Variants in MACROH2A1 observed in about 807,000 individuals in gnomAD.
The protein encoded by MACROH2A1 is macroH2A.1 histone, also known as core histone macro-H2A.1.
Under a neutral mutation model 31.6 loss-of-function variants are expected in MACROH2A1, and 2 were observed. The observed-to-expected ratio is 0.06, with a 90% CI of 0.03 to 0.20. MACROH2A1 has a LOEUF of 0.20. Ranked by LOEUF, MACROH2A1 falls within the 10% of genes least tolerant of loss-of-function variation. The pLI, the probability that MACROH2A1 is intolerant of heterozygous loss-of-function variation, is 1.00. For missense variants in MACROH2A1, 230 were observed against 474.0 expected (o/e 0.49, Z 4.78); for synonymous variants, 169 against 189.6 (o/e 0.89, Z 0.89).
chr5:135,344,252 G>A (rs946814368), intron 7 of MACROH2A1: 2 of 152,198 alleles, frequency 1.3e-5, no homozygotes, highest in African/African-American at 2.4e-5. Flanking sequence ...TGCAAAGAAG[G>A]TTTCCAGGGC....
chr5:135,343,243 C>A lies in MACROH2A1; in HGVS notation c.953+17G>T. ...AGACACACCCATGACCGATACGTAACAAGCATGTGCCCCTACCTGCCGCTG... is the reference window on the plus strand; with the variant it reads ...AGACACACCCATGACCGATACGTAAAAAGCATGTGCCCCTACCTGCCGCTG... On this transcript the variant is annotated intron_variant, in intron 8 of 8. Coordinates refer to ENST00000511689, the MANE Select transcript of MACROH2A1 (RefSeq NM_138610.3). The A allele has an allele frequency of 6.2e-7, 1 of 1,613,638 alleles. No individual in the cohort carries two copies. Among genetic ancestry groups the A allele is most frequent in the Non-Finnish European group, 8.5e-7 (1 of 1,180,022 alleles).
intron 8 of MACROH2A1, chr5:135,338,063 C>G (rs1759106422): frequency 2.9e-6 from 3 of 1,051,552 alleles, no homozygotes; most frequent in Admixed American, 7.8e-5. Context: ...GTCTTGCTGC[C>G]AGTTAGAATG....
chr5:135,350,931 AT>A, intron 6 of MACROH2A1: 1 of 1,528,678 alleles, frequency 6.5e-7, no homozygotes, highest in South Asian at 1.1e-5. Context: ...AGGTAAACAA[AT>A]GTATATCAAC....
At chr5:135,350,576 G>A (rs772728524) in intron 6 of MACROH2A1, 3 of 444,486 alleles carry the variant, frequency 6.7e-6, no homozygotes, top group Middle Eastern at 6.1e-4. Context: ...GTGAAGAAAC[G>A]ATTCTGCTGA....
In MACROH2A1 at chr5:135,353,061, T is replaced by A. The variant is rs375231043; in HGVS notation, c.589-16A>T. ...TAAGGTTCAGCTGCAAAGAAAAGCA[T>A]GAGGTGGGAAATAACAGGAGAGCTG... On this transcript the variant is annotated splice_polypyrimidine_tract_variant and intron_variant, in intron 5 of 8. Coordinates refer to ENST00000511689, the MANE Select transcript of MACROH2A1 (RefSeq NM_138610.3). 6.6e-7 allele frequency: 1 copy of A among 1,516,172 alleles called. No homozygotes were observed. Among genetic ancestry groups the A allele is most frequent in the East Asian group, 2.2e-5 (1 of 44,446 alleles). The allele number at this position is 1,516,172 out of a possible 1,614,324, so 93.9% of individuals were successfully genotyped here.
intron 4 of MACROH2A1, among the ~76,000 whole-genome samples, chr5:135,367,798 G>A (rs1369605623): frequency 6.6e-6 from 1 of 152,254 alleles, no homozygotes; most frequent in Non-Finnish European, 1.5e-5. Context: ...ATCAAAAGAT[G>A]ATAGATTCAG....
chr5:135,338,518 T>C (rs1759196377), intron 8 of MACROH2A1, among the ~76,000 whole-genome samples: 1 of 152,216 alleles, frequency 6.6e-6, no homozygotes, highest in South Asian at 2.1e-4. Flanking sequence ...GTAACTGCTG[T>C]TGTCGTTGCA....
intron 6 of MACROH2A1, chr5:135,346,541 A>C (rs1760864902): frequency 1.2e-5 from 2 of 162,246 alleles, no homozygotes; most frequent in Admixed American, 1.2e-4. Context: ...CAGGCCTAGA[A>C]GGAAGTGTTC....
intron 6 of MACROH2A1, chr5:135,347,030 C>T (rs778862770): frequency 6.6e-6 from 1 of 152,172 alleles, no homozygotes; most frequent in Non-Finnish European, 1.5e-5. Context: ...CAGTTTTGCA[C>T]ATTTTAAAGT....
At chr5:135,336,858 A>AGAT (rs1427817898) in intron 8 of MACROH2A1, among the ~76,000 whole-genome samples, 1 of 152,164 alleles carries the variant, frequency 6.6e-6, no homozygotes. Context: ...TTGCTTGAGG[A>AGAT]GATAAAAACT....
At chr5:135,365,151 C>T (rs1481960251) in intron 4 of MACROH2A1, among the ~76,000 whole-genome samples, 1 of 152,174 alleles carries the variant, frequency 6.6e-6, no homozygotes, top group Non-Finnish European at 1.5e-5. Flanking sequence ...GCATAGTTTC[C>T]TTTGAATTTT....
chr5:135,372,681 C>T (rs930882844), intron 2 of MACROH2A1, among the ~76,000 whole-genome samples: 1 of 152,228 alleles, frequency 6.6e-6, no homozygotes, highest in Non-Finnish European at 1.5e-5. Flanking sequence ...ATGCCACTGT[C>T]CTGCCCACGG....
At chr5:135,392,000 C>T (rs1767315553) in intron 1 of MACROH2A1, among the ~76,000 whole-genome samples, 2 of 152,218 alleles carry the variant, frequency 1.3e-5, no homozygotes, top group Admixed American at 1.3e-4. Flanking sequence ...CTTCCTGTCA[C>T]CCCAGCCCTG....
intron 6 of MACROH2A1, chr5:135,351,543 A>ATTTTTTTTTTTTGTTT (rs1761552336): frequency 2.1e-5 from 1 of 48,480 alleles, no homozygotes. Flanking sequence ...TTATGGTTTA[A>ATTTTTTTTTTTTGTTT]TTTTTTTTTT....
chr5:135,380,693 G>C (rs2149907577), intron 2 of MACROH2A1, among the ~76,000 whole-genome samples: 1 of 152,218 alleles, frequency 6.6e-6, no homozygotes, highest in East Asian at 1.9e-4. Context: ...CCAAGATCTT[G>C]GCCCAAATAT....
intron 1 of MACROH2A1, among the ~76,000 whole-genome samples, chr5:135,395,466 G>A (rs549018727): frequency 2.2e-4 from 33 of 152,212 alleles, no homozygotes; most frequent in South Asian, 8.3e-4. Flanking sequence ...GAAGAACCAC[G>A]CCATCCATTC....
Position 135,388,938 on chromosome 5 carries a change from G to T in MACROH2A1, c.156C>A (p.Val52=). 6.2e-7 allele frequency: 1 copy of T among 1,607,112 alleles called. No homozygotes were observed. Among genetic ancestry groups the T allele is most frequent in the Non-Finnish European group, 8.5e-7 (1 of 1,174,436 alleles). Residue 52 remains valine, a synonymous_variant, in exon 2 of 9, where the codon GTC becomes GTA. Coordinates refer to ENST00000511689, the MANE Select transcript of MACROH2A1 (RefSeq NM_138610.3). The part of the protein sequence containing the change: ...GVGAPVYMAA[V]LEYLTAEILE... The stretch of plus-strand genomic sequence containing the variant: ...TACACTCACCTGTCAGGTATTCCAG[G>T]ACGGCGGCCATGTACACGGGTGCCC...
intron 4 of MACROH2A1, among the ~76,000 whole-genome samples, chr5:135,367,046 A>G (rs1763592792): frequency 6.6e-6 from 1 of 152,200 alleles, no homozygotes; most frequent in African/African-American, 2.4e-5. Context: ...GAATTGTGGG[A>G]AAAATTATGA....
At chr5:135,345,908 T>C (rs1243215688) in intron 7 of MACROH2A1, 60 bp downstream of exon 7, 5 of 1,120,264 alleles carry the variant, frequency 4.5e-6, no homozygotes, top group Non-Finnish European at 6.9e-6. Flanking sequence ...TCTCACAAAA[T>C]GGCTTTCCTA....
Sources: allele counts gnomAD v4.1 joint callset (sites outside exome capture counted in the v4.1 genomes callset), GRCh38; gene constraint gnomAD v4.1.1; transcripts MANE v1.5; gene names NCBI Gene and HGNC (gene_info 2026-07-23, HGNC 2026-07-21).